Variants in C9orf85 observed in about 807,000 individuals in gnomAD.
The protein encoded by C9orf85 is uncharacterized protein C9orf85.
Under a neutral mutation model 14.9 loss-of-function variants are expected in C9orf85, and 16 were observed. That is an observed-to-expected ratio of 1.08 (90% CI 0.73 to 1.63). C9orf85 has a LOEUF of 1.63. Ranked by LOEUF, C9orf85 falls within the 40% of genes most tolerant of loss-of-function variation. The probability of loss-of-function intolerance (pLI) is 0.00; values close to 1 mark genes in which losing one functional copy is unlikely to be tolerated. For missense variants in C9orf85, 172 were observed against 186.1 expected, an observed-to-expected ratio of 0.92 and a Z score of 0.44; for synonymous variants, 45 against 56.8, an observed-to-expected ratio of 0.79 and a Z score of 0.93.
chr9:71,920,285 G>A (rs1827762744), intron 1 of C9orf85, among the ~76,000 whole-genome samples: 1 of 151,988 alleles, frequency 6.6e-6, no homozygotes, highest in South Asian at 2.1e-4. Context: ...TCTACTATGG[G>A]GAATAGTACT....
intron 2 of C9orf85, among the ~76,000 whole-genome samples, chr9:71,954,806 G>A (rs1822341703): frequency 6.6e-6 from 1 of 152,024 alleles, no homozygotes; most frequent in Non-Finnish European, 1.5e-5. Context: ...AACCATCTGG[G>A]AATGCAGCCC....
chr9:71,921,773 T>G (rs1827812997), intron 1 of C9orf85, among the ~76,000 whole-genome samples: 1 of 152,194 alleles, frequency 6.6e-6, no homozygotes, highest in African/African-American at 2.4e-5. Context: ...TTTACTGGTC[T>G]GATGTGTGCA....
chr9:71,935,922 A>C (rs1453917508), intron 1 of C9orf85, among the ~76,000 whole-genome samples: 2 of 151,756 alleles, frequency 1.3e-5, no homozygotes, highest in Non-Finnish European at 2.9e-5. Context: ...AAAAAAAATA[A>C]CTGTTGGCTG....
At chr9:71,946,936 C>T in intron 1 of C9orf85, 70 bp from the exon 2 acceptor site, 1 of 1,007,208 alleles carries the variant, frequency 9.9e-7, no homozygotes. Flanking sequence ...ATCTCATACA[C>T]TCTTTTATGG....
Position 71,918,055 on chromosome 9 carries a change from C to T in C9orf85, c.102+6219C>T, listed in dbSNP as rs568374475. ...AAAATTAGCCAGGCGTGGTGGTGGC[C>T]GCCTGTAATCCCAGCTATTTGGGAG... On this transcript the variant is annotated intron_variant, in intron 1 of 3. Coordinates refer to ENST00000334731, the MANE Select transcript of C9orf85 (RefSeq NM_182505.5). 3.3e-4 allele frequency among the ~76,000 whole-genome samples: 50 copies of T among 152,014 alleles called. No homozygotes were observed. In the South Asian group the frequency reaches 0.01, roughly 31 times the overall value.
intron 1 of C9orf85, among the ~76,000 whole-genome samples, chr9:71,944,032 T>C (rs1193788087): frequency 1.3e-5 from 2 of 151,670 alleles, no homozygotes; most frequent in Non-Finnish European, 2.9e-5. Context: ...GGCCAGGAGT[T>C]CGAGACCAGC....
At chr9:71,923,739 G>A (rs1827868160) in intron 1 of C9orf85, among the ~76,000 whole-genome samples, 4 of 152,076 alleles carry the variant, frequency 2.6e-5, no homozygotes, top group African/African-American at 7.3e-5. Flanking sequence ...AACTACCAAT[G>A]TCTGTACCCA....
intron 2 of C9orf85, among the ~76,000 whole-genome samples, chr9:71,967,713 CT>C (rs55750667): frequency 0.041 from 3,870 of 93,950 alleles, 21 homozygotes; most frequent in South Asian, 0.12. Context: ...TATGACCTTT[CT>C]TTTTTTTTTT....
intron 2 of C9orf85, among the ~76,000 whole-genome samples, chr9:71,949,361 G>T (rs1038151191): frequency 6.6e-6 from 1 of 152,056 alleles, no homozygotes; most frequent in Non-Finnish European, 1.5e-5. Flanking sequence ...TTTTAAATGT[G>T]TCAGTGTGTA....
chr9:71,922,039 C>T lies in C9orf85; in HGVS notation c.102+10203C>T, dbSNP rs371262091. Among the ~76,000 whole-genome samples the T allele has an allele frequency of 9.3e-4, 142 of 152,018 alleles. 1 individual carries two copies. Among genetic ancestry groups the T allele is most frequent in the African/African-American group, 3.4e-3 (139 of 41,422 alleles). ...CACTGCAACCTCTGCCTCCCGTGTT[C>T]AAGCGATTCTCCTACCTCAGCCTCC... On this transcript the variant is annotated intron_variant, in intron 1 of 3. Coordinates refer to ENST00000334731, the MANE Select transcript of C9orf85 (RefSeq NM_182505.5).
chr9:71,961,867 T>C (rs1822532356), intron 2 of C9orf85, among the ~76,000 whole-genome samples: 1 of 152,174 alleles, frequency 6.6e-6, no homozygotes, highest in African/African-American at 2.4e-5. Context: ...CTACACTTGG[T>C]CAGAGGTAAA....
intron 2 of C9orf85, among the ~76,000 whole-genome samples, chr9:71,968,391 G>A (rs1357550754): frequency 3.3e-5 from 5 of 149,816 alleles, no homozygotes; most frequent in African/African-American, 1.2e-4. Flanking sequence ...GAATTTACCA[G>A]TAAAGCCATT....
chr9:71,947,854 C>G (rs757014352), intron 2 of C9orf85, among the ~76,000 whole-genome samples: 3 of 152,126 alleles, frequency 2.0e-5, no homozygotes, highest in Non-Finnish European at 2.9e-5. Context: ...CCATGTTGGC[C>G]AGGCTGGCCT....
chr9:71,952,861 T>C (rs1460201853), intron 2 of C9orf85, among the ~76,000 whole-genome samples: 2 of 77,858 alleles, frequency 2.6e-5, no homozygotes, highest in African/African-American at 7.4e-5. Context: ...AGCCTGCTTT[T>C]CTCTACCTAT....
chr9:71,936,197 G>A (rs1828186687), intron 1 of C9orf85, among the ~76,000 whole-genome samples: 1 of 152,156 alleles, frequency 6.6e-6, no homozygotes, highest in Admixed American at 6.5e-5. Flanking sequence ...AGAAAAATGG[G>A]TATCTTGCCT....
intron 2 of C9orf85, among the ~76,000 whole-genome samples, chr9:71,965,621 T>TG (rs1822669569): frequency 6.6e-6 from 1 of 152,178 alleles, no homozygotes. Context: ...TTTGTATAGA[T>TG]GGGGTCTCTC....
intron 1 of C9orf85, among the ~76,000 whole-genome samples, chr9:71,936,163 G>A (rs1175679255): frequency 6.6e-6 from 1 of 152,060 alleles, no homozygotes; most frequent in Non-Finnish European, 1.5e-5. Flanking sequence ...TTGAATCTGA[G>A]GTGTCTCAAG....
intron 2 of C9orf85, among the ~76,000 whole-genome samples, chr9:71,949,392 T>C (rs752090995): frequency 3.1e-4 from 47 of 152,234 alleles, no homozygotes; most frequent in Non-Finnish European, 5.4e-4. Flanking sequence ...CATCAGTTAT[T>C]GTAAATTTTC....
chr9:71,948,799 C>A (rs900816830), intron 2 of C9orf85, among the ~76,000 whole-genome samples: 8 of 143,566 alleles, frequency 5.6e-5, no homozygotes, highest in African/African-American at 2.1e-4. Context: ...GCTGGGATTA[C>A]AGGCGTGAGC....
Sources: allele counts gnomAD v4.1 joint callset (sites outside exome capture counted in the v4.1 genomes callset), GRCh38; gene constraint gnomAD v4.1.1; transcripts MANE v1.5; gene names NCBI Gene and HGNC (gene_info 2026-07-23, HGNC 2026-07-21).